Variants in CCSER1 observed in about 807,000 individuals in gnomAD.
CCSER1 encodes the protein serine-rich coiled-coil domain-containing protein 1.
In CCSER1, 41 loss-of-function variants were observed where a neutral mutation model predicts 82.0. That is an observed-to-expected ratio of 0.50 (90% confidence interval 0.39 to 0.65). The LOEUF is 0.65. Among genes scored for constraint, CCSER1 ranks in the 30% least tolerant of loss-of-function variants. The pLI, the probability that CCSER1 is intolerant of heterozygous loss-of-function variation, is 0.00. For missense variants in CCSER1, 1,119 were observed against 1,064.2 expected, an observed-to-expected ratio of 1.05 and a Z score of -0.72; for synonymous variants, 414 against 383.9, an observed-to-expected ratio of 1.08 and a Z score of -0.92.
chr4:90,529,107 A>G (rs1056612479), intron 5 of CCSER1, among the ~76,000 whole-genome samples: 4 of 152,182 alleles, frequency 2.6e-5, no homozygotes, highest in African/African-American at 7.2e-5. Context: ...GAGAAAACAG[A>G]AATAATACCT....
chr4:91,532,163 G>T (rs1049677105), intron 10 of CCSER1, among the ~76,000 whole-genome samples: 3 of 152,156 alleles, frequency 2.0e-5, no homozygotes, highest in African/African-American at 7.2e-5. Flanking sequence ...AGGGAATCAG[G>T]TGAAGATATC....
intron 10 of CCSER1, among the ~76,000 whole-genome samples, chr4:91,274,182 AT>A (rs550499082): frequency 3.4e-4 from 52 of 152,006 alleles, no homozygotes; most frequent in African/African-American, 1.2e-3. Context: ...TGACTTTTTA[AT>A]TTTTTTTATT....
chr4:91,265,906 C>A (rs1410124037), intron 10 of CCSER1, among the ~76,000 whole-genome samples: 3 of 152,170 alleles, frequency 2.0e-5, no homozygotes, highest in Non-Finnish European at 4.4e-5. Flanking sequence ...CTCACAGTTT[C>A]ACGTGGCTGG....
chr4:90,451,389 C>T (rs919165350), intron 4 of CCSER1, among the ~76,000 whole-genome samples: 4 of 152,142 alleles, frequency 2.6e-5, no homozygotes, highest in African/African-American at 9.7e-5. Context: ...AGACTCCCAT[C>T]CTTTGGGTTC....
At chr4:90,158,801 A>G (rs1369503066) in intron 1 of CCSER1, among the ~76,000 whole-genome samples, 4 of 152,078 alleles carry the variant, frequency 2.6e-5, no homozygotes, top group Non-Finnish European at 4.4e-5. Context: ...TTGACTAGGA[A>G]AGGGAACTCC....
chr4:91,352,247 TTTTAG>T (rs1212298825), intron 10 of CCSER1, among the ~76,000 whole-genome samples: 5 of 152,294 alleles, frequency 3.3e-5, no homozygotes, highest in African/African-American at 7.2e-5. Flanking sequence ...ATTTATTTTA[TTTTAG>T]TTTAGTTTAG....
intron 8 of CCSER1, among the ~76,000 whole-genome samples, chr4:90,826,681 G>C (rs1760505595): frequency 6.6e-6 from 1 of 152,158 alleles, no homozygotes; most frequent in Admixed American, 6.5e-5. Context: ...TTAAGATTGA[G>C]AGGAAAATCT....
intron 1 of CCSER1, among the ~76,000 whole-genome samples, chr4:90,295,709 G>C (rs1054552640): frequency 6.6e-6 from 1 of 151,872 alleles, no homozygotes; most frequent in African/African-American, 2.4e-5. Flanking sequence ...ACTGGCATAG[G>C]ATACCAAAGA....
At chr4:91,432,679 T>A (rs1754399727) in intron 10 of CCSER1, among the ~76,000 whole-genome samples, 1 of 152,220 alleles carries the variant, frequency 6.6e-6, no homozygotes, top group African/African-American at 2.4e-5. Context: ...AAGGGACATA[T>A]ATTCCTTTAT....
At chr4:90,870,816 T>C (rs1766377608) in intron 8 of CCSER1, among the ~76,000 whole-genome samples, 1 of 49,602 alleles carries the variant, frequency 2.0e-5, no homozygotes, top group Non-Finnish European at 4.6e-5. Context: ...GGTCCTTGGC[T>C]TTTTTTTTTT....
intron 10 of CCSER1, among the ~76,000 whole-genome samples, chr4:91,371,630 A>G (rs1036652908): frequency 6.6e-6 from 1 of 151,646 alleles, no homozygotes; most frequent in Non-Finnish European, 1.5e-5. Flanking sequence ...TAGTGCTTCA[A>G]TAAACTTCAG....
At chr4:90,497,856 T>C (rs1769272637) in intron 5 of CCSER1, among the ~76,000 whole-genome samples, 1 of 152,124 alleles carries the variant, frequency 6.6e-6, no homozygotes, top group South Asian at 2.1e-4. Context: ...TATACCTGTC[T>C]CCTAAATCTG....
At chr4:90,940,781 TAAAG>T (rs1024427164) in intron 9 of CCSER1, among the ~76,000 whole-genome samples, 13 of 152,110 alleles carry the variant, frequency 8.5e-5, no homozygotes, top group African/African-American at 2.9e-4. Flanking sequence ...ATCTTTCAAA[TAAAG>T]AAACTAAAAT....
intron 8 of CCSER1, among the ~76,000 whole-genome samples, chr4:90,894,540 T>C (rs1037706111): frequency 1.3e-5 from 2 of 152,036 alleles, no homozygotes; most frequent in African/African-American, 4.8e-5. Flanking sequence ...AAACATTGAC[T>C]ATATAGTCTA....
At chr4:91,471,555 T>G (rs1404696517) in intron 10 of CCSER1, among the ~76,000 whole-genome samples, 3 of 152,184 alleles carry the variant, frequency 2.0e-5, no homozygotes, top group Admixed American at 2.0e-4. Flanking sequence ...AGACACGGTC[T>G]GCTTGTTTTG....
chr4:91,106,528 A>G (rs1297463759), intron 10 of CCSER1, among the ~76,000 whole-genome samples: 3 of 152,072 alleles, frequency 2.0e-5, no homozygotes, highest in Non-Finnish European at 2.9e-5. Flanking sequence ...ACTCTTTCCC[A>G]TGGTCTGTCT....
intron 1 of CCSER1, among the ~76,000 whole-genome samples, chr4:90,131,943 T>A (rs1321596013): frequency 6.6e-6 from 1 of 152,202 alleles, no homozygotes; most frequent in Non-Finnish European, 1.5e-5. Context: ...GAGTTGACTT[T>A]GAGCCTGTAC....
chr4:90,499,057 C>T (rs1443507616), intron 5 of CCSER1, among the ~76,000 whole-genome samples: 2 of 151,692 alleles, frequency 1.3e-5, no homozygotes, highest in African/African-American at 4.8e-5. Context: ...AATAAATAAG[C>T]CCTATGTTTC....
chr4:91,143,151 C>G (rs1385270420), intron 10 of CCSER1, among the ~76,000 whole-genome samples: 1 of 151,886 alleles, frequency 6.6e-6, no homozygotes, highest in African/African-American at 2.4e-5. Context: ...CATCACTGAT[C>G]TCTTTCAGCA....
Sources: allele counts gnomAD v4.1 joint callset (sites outside exome capture counted in the v4.1 genomes callset), GRCh38; gene constraint gnomAD v4.1.1; transcripts MANE v1.5; gene names NCBI Gene and HGNC (gene_info 2026-07-23, HGNC 2026-07-21).